Variants in CNIH3 observed in about 807,000 individuals in gnomAD.
CNIH3 encodes protein cornichon homolog 3.
CNIH3 carries 14 observed loss-of-function variants against 24.1 expected under a neutral mutation model. That is an observed-to-expected ratio of 0.58 (90% CI 0.38 to 0.91). CNIH3 has a LOEUF of 0.91. Ranked by LOEUF, CNIH3 falls within the 40% of genes least tolerant of loss-of-function variation. The pLI, the probability that CNIH3 is intolerant of heterozygous loss-of-function variation, is 0.00. For missense variants in CNIH3, 178 were observed against 196.8 expected (o/e 0.90, Z 0.57); for synonymous variants, 68 against 73.8 (o/e 0.92, Z 0.40).
Position 224,443,741 on chromosome 1 carries a change from GAC to G in CNIH3, n.203+8882_203+8883del, listed in dbSNP as rs568327223. Among the ~76,000 whole-genome samples the G allele has an allele frequency of 8.8e-4, 133 of 151,768 alleles. 2 individuals are homozygous for G. Among genetic ancestry groups the G allele is most frequent in the African/African-American group, 3.1e-3 (127 of 41,304 alleles). ...TTTAGGCTGCTTCTCTGAGAGTAGA[GAC>G]ACTGTCACCTGTGCTGGTCAGTGTG... On this transcript the variant is annotated intron_variant and non_coding_transcript_variant, in intron 1 of 5. Coordinates refer to the CNIH3 transcript ENST00000471578.
At chr1:224,701,458 G>A (rs1448493662) in intron 3 of CNIH3, among the ~76,000 whole-genome samples, 2 of 152,016 alleles carry the variant, frequency 1.3e-5, no homozygotes, top group Admixed American at 1.3e-4. Flanking sequence ...AGCTCTCTCT[G>A]CACCCTTTAT....
At chr1:224,607,599 T>C (rs1457981590) in intron 3 of CNIH3, among the ~76,000 whole-genome samples, 1 of 152,198 alleles carries the variant, frequency 6.6e-6, no homozygotes, top group Non-Finnish European at 1.5e-5. Flanking sequence ...CAATCAGATA[T>C]GCATTTGTCT....
chr1:224,507,084 C>T (rs1269681446), intron 1 of CNIH3, among the ~76,000 whole-genome samples: 1 of 152,136 alleles, frequency 6.6e-6, no homozygotes, highest in Non-Finnish European at 1.5e-5. Flanking sequence ...AGGCTGGTCT[C>T]AAATTCCTGG....
Position 224,719,872 on chromosome 1 carries a change from A to G in CNIH3, c.199-10590A>G, listed in dbSNP as rs200337734. 2.2e-4 allele frequency among the ~76,000 whole-genome samples: 33 copies of G among 152,364 alleles called. No individual in the cohort carries two copies. The East Asian group carries it at 5.2e-3, about 24-fold the overall frequency. ...CTTCAAAATATTAATTTGCTAAATC[A>G]GAGTTGTGGTAAAGCTTGGCACAGT... On this transcript the variant is annotated intron_variant, in intron 3 of 5. Transcript: ENST00000272133.
At chr1:224,484,422 T>C (rs1470612221) in intron 1 of CNIH3, among the ~76,000 whole-genome samples, 1 of 151,434 alleles carries the variant, frequency 6.6e-6, no homozygotes, top group African/African-American at 2.4e-5. Flanking sequence ...AGAGCGAGAC[T>C]CTGTTTAAAA....
intron 1 of CNIH3, among the ~76,000 whole-genome samples, chr1:224,510,483 G>A (rs1366479112): frequency 1.3e-5 from 2 of 151,820 alleles, no homozygotes; most frequent in Non-Finnish European, 2.9e-5. Context: ...CCAGCACTTT[G>A]GGAAGCTGAG....
chr1:224,572,515 TAAAAAAA>T (rs772549317), intron 4 of CNIH3, among the ~76,000 whole-genome samples: 1 of 114,118 alleles, frequency 8.8e-6, no homozygotes, highest in Non-Finnish European at 1.9e-5. Flanking sequence ...AACTCCATCT[TAAAAAAA>T]AAAAAAAAAA....
At chr1:224,454,227 T>TATCATTTAC (rs1675549983) in intron 1 of CNIH3, 3 of 877,544 alleles carry the variant, frequency 3.4e-6, no homozygotes, top group Non-Finnish European at 4.1e-6. Context: ...TTGTGAGTAG[T>TATCATTTAC]ATCATTTACA....
intron 1 of CNIH3, among the ~76,000 whole-genome samples, chr1:224,503,083 T>A (rs1677748990): frequency 6.6e-6 from 1 of 152,008 alleles, no homozygotes; most frequent in Admixed American, 6.5e-5. Flanking sequence ...GGAGGAAACC[T>A]GGGAGACTTC....
intron 2 of CNIH3, among the ~76,000 whole-genome samples, chr1:224,524,947 C>T (rs1199825071): frequency 2.6e-5 from 4 of 152,160 alleles, no homozygotes; most frequent in South Asian, 2.1e-4. Context: ...TCCCTTTGCA[C>T]TGATGCTGTT....
At chr1:224,538,482 G>A (rs1679379675), downstream of CNIH3, among the ~76,000 whole-genome samples, 1 of 152,024 alleles carries the variant, frequency 6.6e-6, no homozygotes, top group African/African-American at 2.4e-5. Flanking sequence ...ACCGAATGAG[G>A]TTGCTATATA....
intron 1 of CNIH3, among the ~76,000 whole-genome samples, chr1:224,479,070 C>T (rs1349671680): frequency 2.0e-5 from 3 of 151,978 alleles, no homozygotes; most frequent in Non-Finnish European, 4.4e-5. Flanking sequence ...TTATCATTCC[C>T]TCCCTGGCCC....
intron 1 of CNIH3, among the ~76,000 whole-genome samples, chr1:224,440,370 C>T (rs938924135): frequency 2.6e-5 from 4 of 152,172 alleles, no homozygotes; most frequent in South Asian, 2.1e-4. Flanking sequence ...GCTGGAACTA[C>T]AGGTGCACAC....
rs192631950 is a variant in CNIH3, at chr1:224,645,832, C to T, written c.81+28577C>T. 2.6e-5 allele frequency among the ~76,000 whole-genome samples: 4 copies of T among 152,288 alleles called. No individual in the cohort carries two copies. In the East Asian group the frequency reaches 5.8e-4, roughly 22 times the overall value. ...GTACATTTTCTTTCTCTGGCCATCTCGCTCCAAGGGAATTAATAAGGACCA... is the reference window on the plus strand; with the variant it reads ...GTACATTTTCTTTCTCTGGCCATCTTGCTCCAAGGGAATTAATAAGGACCA... On this transcript the variant is annotated intron_variant, in intron 1 of 5. Coordinates refer to ENST00000272133, the MANE Select transcript of CNIH3 (RefSeq NM_152495.2).
intron 1 of CNIH3, among the ~76,000 whole-genome samples, chr1:224,445,526 A>G (rs1675121058): frequency 7.0e-6 from 1 of 143,320 alleles, no homozygotes; most frequent in South Asian, 2.3e-4. Flanking sequence ...CAATGAGCTG[A>G]GATCATGCCA....
At chr1:224,536,479 T>C (rs1679290462) in intron 2 of CNIH3, among the ~76,000 whole-genome samples, 2 of 151,784 alleles carry the variant, frequency 1.3e-5, no homozygotes, top group South Asian at 2.1e-4. Context: ...TTAGTAGAGA[T>C]GGGGTTTCTC....
chr1:224,467,283 C>T (rs1403339369), intron 1 of CNIH3, among the ~76,000 whole-genome samples: 2 of 152,190 alleles, frequency 1.3e-5, no homozygotes, highest in Non-Finnish European at 1.5e-5. Context: ...CATCTGCCCA[C>T]CTCTGCCTCC....
chr1:224,704,311 A>G lies in CNIH3; in HGVS notation c.198+19468A>G, dbSNP rs1316016726. 6.6e-6 allele frequency among the ~76,000 whole-genome samples: 1 copy of G among 152,170 alleles called. No homozygotes were observed. Among genetic ancestry groups the G allele is most frequent in the Non-Finnish European group, 1.5e-5 (1 of 68,012 alleles). On this transcript the variant is annotated intron_variant, in intron 3 of 5. Coordinates refer to ENST00000272133, the MANE Select transcript of CNIH3 (RefSeq NM_152495.2). This position sits in a 1 kb window ranked among gnomAD's most constrained non-coding sequence, Gnocchi z 4.2. ...GGCAGTGTGGCCCTGCAGGGTCCTA[A>G]CAGCTCTGAAAGCCAGCAGGGGCTC...
exon 1 of CNIH3, chr1:224,434,804 C>T (rs1043849691): frequency 6.1e-6 from 6 of 986,314 alleles, no homozygotes; most frequent in Non-Finnish European, 1.2e-6. Context: ...TAATGGAGTC[C>T]AGGCGCTCGC....
Sources: gnomAD v4.1 joint callset for allele counts (sites outside exome capture counted in the v4.1 genomes callset) on GRCh38, gnomAD v4.1.1 for gene constraint, Gnocchi (gnomAD v3.1) non-coding constraint, MANE v1.5 for transcripts, NCBI Gene and HGNC (gene_info 2026-07-23, HGNC 2026-07-21) for gene names.